The following SBDS variants were observed in gnomAD, a reference collection of about 807,000 sequenced individuals.
SBDS encodes the protein ribosome maturation protein SBDS.
SBDS carries 20 observed loss-of-function variants against 26.4 expected under a neutral mutation model. The ratio of observed to expected loss-of-function variants is 0.76; its 90% confidence interval spans 0.53 to 1.10. SBDS has a LOEUF of 1.10. SBDS is among the 50% of genes least tolerant of loss of function. SBDS has a pLI of 0.00. For missense variants in SBDS, 241 were observed against 302.0 expected, an observed-to-expected ratio of 0.80 and a Z score of 1.50; for synonymous variants, 95 against 105.1, an observed-to-expected ratio of 0.90 and a Z score of 0.59.
intron 2 of SBDS, among the ~76,000 whole-genome samples, chr7:66,993,831 T>C (rs1235435207): frequency 1.3e-5 from 2 of 151,094 alleles, no homozygotes; most frequent in Non-Finnish European, 2.9e-5. Flanking sequence ...CTGAGTGCAG[T>C]GAAGTGCACT....
chr7:66,994,915 A>C (rs1240544950), intron 1 of SBDS, among the ~76,000 whole-genome samples: 1 of 152,166 alleles, frequency 6.6e-6, no homozygotes, highest in Non-Finnish European at 1.5e-5. Flanking sequence ...ACGCACTTTA[A>C]ACTGCTAGGG....
chr7:66,989,610 C>T lies in SBDS; in HGVS notation c.625-1111G>A, dbSNP rs1188113448. Among the ~76,000 whole-genome samples, 3 of 152,080 alleles carry T rather than the reference C, an allele frequency of 2.0e-5. No individual in the cohort carries two copies. The East Asian group carries it at 5.8e-4, about 29-fold the overall frequency. ...AGCCTTGAAAACATGAATTTGTAGACAGCTCAATTTACACTGTGTTTGAAG... is the reference window on the plus strand; with the variant it reads ...AGCCTTGAAAACATGAATTTGTAGATAGCTCAATTTACACTGTGTTTGAAG... On this transcript the variant is annotated intron_variant, in intron 4 of 4. Coordinates refer to ENST00000246868, the MANE Select transcript of SBDS (RefSeq NM_016038.4).
chr7:66,991,945 T>G (rs1300277614), intron 3 of SBDS, among the ~76,000 whole-genome samples: 1 of 152,154 alleles, frequency 6.6e-6, no homozygotes, highest in East Asian at 1.9e-4. Context: ...GAAACTGAAC[T>G]CTTAAACACT....
intron 4 of SBDS, among the ~76,000 whole-genome samples, chr7:66,989,130 C>T (rs1792924285): frequency 2.0e-5 from 3 of 151,964 alleles, no homozygotes; most frequent in Non-Finnish European, 4.4e-5. Flanking sequence ...AGCCACTGTG[C>T]CTGGCCCATG....
chr7:66,991,649 A>C (rs1479323887), intron 3 of SBDS, among the ~76,000 whole-genome samples: 1 of 148,732 alleles, frequency 6.7e-6, no homozygotes, highest in Non-Finnish European at 1.5e-5. Flanking sequence ...AAAAAGAAAA[A>C]TTAGCCGGGT....
chr7:66,990,462 A>G (rs1294728323), intron 4 of SBDS, among the ~76,000 whole-genome samples: 2 of 152,194 alleles, frequency 1.3e-5, no homozygotes. Flanking sequence ...CACTGGAGTA[A>G]AGCATGCAAT....
chr7:66,991,397 T>C (rs1472661523), intron 3 of SBDS, 96 bp from the exon 4 acceptor site: 8 of 900,210 alleles, frequency 8.9e-6, no homozygotes, highest in Admixed American at 2.4e-5. Flanking sequence ...GATTAGGTAA[T>C]GGTTTCTTAG....
chr7:66,991,175 C>A lies in SBDS; in HGVS notation c.586G>T (p.Val196Phe), dbSNP rs1562954426. The A allele has an allele frequency of 1.9e-6, 3 of 1,614,094 alleles. No individual in the cohort carries two copies. Among genetic ancestry groups the A allele is most frequent in the Non-Finnish European group, 2.5e-6 (3 of 1,180,014 alleles). ...LKEKLKPLIK[V>F]IESEDYGQQL... ...TGGCCATAATCTTCACTTTCTATGA[C>A]CTTGATCAGTGGCTTGAGCTTTTCT... Residue 196 changes from valine (V) to phenylalanine (F), a missense_variant, in exon 4 of 5, where the codon GTC becomes TTC. Physicochemically the swap from Val to Phe is conservative, Grantham distance 50. Coordinates refer to ENST00000246868, the MANE Select transcript of SBDS (RefSeq NM_016038.4).
At chr7:66,993,671 T>G (rs1470596709) in intron 2 of SBDS, among the ~76,000 whole-genome samples, 1 of 152,006 alleles carries the variant, frequency 6.6e-6, no homozygotes. Context: ...GTCAGGAGTT[T>G]GAGACCAACC....
chr7:66,993,898 A>T (rs533276451), intron 2 of SBDS, among the ~76,000 whole-genome samples: 1 of 151,776 alleles, frequency 6.6e-6, no homozygotes, highest in South Asian at 2.1e-4. Context: ...AAAAAAAAGG[A>T]TCTGAAAGAT....
intron 1 of SBDS, 73 bp from the exon 2 acceptor site, chr7:66,994,414 A>G (rs1372049513): frequency 4.0e-5 from 52 of 1,287,338 alleles, no homozygotes; most frequent in Non-Finnish European, 5.7e-5. Flanking sequence ...TTTAAATACG[A>G]GATGGCAACA....
rs188337576 is a variant in SBDS, at chr7:66,993,685, C to T, written c.259-268G>A. ...GGTCAGGAGTTTGAGACCAACCTGG[C>T]CAACATGGTGAAACCCCATCTCTAC... On this transcript the variant is annotated intron_variant, in intron 2 of 4. Coordinates refer to ENST00000246868, the MANE Select transcript of SBDS (RefSeq NM_016038.4). 3.3e-5 allele frequency among the ~76,000 whole-genome samples: 5 copies of T among 152,116 alleles called. No homozygotes were observed. The South Asian group carries it at 8.3e-4, about 25-fold the overall frequency.
chr7:66,995,499 T>C lies in SBDS; in HGVS notation c.-82A>G. The C allele has an allele frequency of 6.2e-7, 1 of 1,603,804 alleles. No homozygotes were observed. On this transcript the variant is annotated 5_prime_UTR_variant, in exon 1 of 5. Transcript: ENST00000246868. ...CCTGAAGGCCACCAGCGCCTCGCGG[T>C]AACGACCGATCGGCGCGCGGCACTG...
rs1366490300 is a variant in SBDS, at chr7:66,991,946, C to T, written c.460-645G>A. Among the ~76,000 whole-genome samples, 3 of 152,150 alleles carry T rather than the reference C, an allele frequency of 2.0e-5. No individual in the cohort carries two copies. The East Asian group carries it at 5.8e-4, about 29-fold the overall frequency. ...ACTGAGGATGTGGAGAAACTGAACT[C>T]TTAAACACTGATGGTGGTAAAGTAA... On this transcript the variant is annotated intron_variant, in intron 3 of 4. Transcript: ENST00000246868.
intron 4 of SBDS, 88 bp from the exon 5 acceptor site, chr7:66,988,587 A>G: frequency 6.9e-7 from 1 of 1,459,264 alleles, no homozygotes; most frequent in Non-Finnish European, 9.5e-7. Context: ...GGCAAGCACA[A>G]TGCTGTCCAG....
rs1304576860 is a variant in SBDS at position 66,995,421 on chromosome 7, G to A, written c.-4C>T. The A allele has an allele frequency of 1.2e-6, 2 of 1,613,518 alleles. No individual in the cohort carries two copies. Among genetic ancestry groups the A allele is most frequent in the African/African-American group, 1.3e-5 (1 of 75,046 alleles). The stretch of plus-strand genomic sequence containing the variant: ...TGGTGGGGGTGAAGATCGACATCGC[G>A]GCTGTTCAAAGACCCAGAAGCCGGC... On this transcript the variant is annotated 5_prime_UTR_variant, in exon 1 of 5. Coordinates refer to ENST00000246868, the MANE Select transcript of SBDS (RefSeq NM_016038.4).
At chr7:66,991,017 A>C (rs533873269) in intron 4 of SBDS, 120 bp downstream of exon 4, 46 of 357,578 alleles carry the variant, frequency 1.3e-4, no homozygotes, top group African/African-American at 7.6e-4. Flanking sequence ...ACTCCATCTC[A>C]AAAAAAAAAA....
At chr7:66,989,437 C>T (rs1165157351) in intron 4 of SBDS, among the ~76,000 whole-genome samples, 3 of 151,666 alleles carry the variant, frequency 2.0e-5, no homozygotes, top group Non-Finnish European at 1.5e-5. Context: ...CCCAGCTACT[C>T]GGGAGGCTGA....
intron 4 of SBDS, among the ~76,000 whole-genome samples, chr7:66,989,401 T>C (rs1351891271): frequency 2.0e-5 from 3 of 151,126 alleles, no homozygotes; most frequent in Admixed American, 6.6e-5. Context: ...CAAAATTAGC[T>C]GGGCGAGGTG....
Sources: allele counts gnomAD v4.1 joint callset (sites outside exome capture counted in the v4.1 genomes callset), GRCh38; gene constraint gnomAD v4.1.1; transcripts MANE v1.5; gene names NCBI Gene and HGNC (gene_info 2026-07-23, HGNC 2026-07-21).